The following RGS7 variants were observed in gnomAD, a reference collection of about 807,000 sequenced individuals.
The protein encoded by RGS7 is regulator of G-protein signaling 7.
Under a neutral mutation model 81.1 loss-of-function variants are expected in RGS7, and 27 were observed. The ratio of observed to expected loss-of-function variants is 0.33; its 90% confidence interval spans 0.25 to 0.46. The LOEUF is 0.46. Among genes scored for constraint, RGS7 ranks in the 20% least tolerant of loss-of-function variants. The pLI, the probability that RGS7 is intolerant of heterozygous loss-of-function variation, is 1.00. For missense variants in RGS7, 396 were observed against 607.4 expected (o/e 0.65, Z 3.66); for synonymous variants, 208 against 207.7 (o/e 1.00, Z -0.01).
chr1:241,155,480 A>G (rs560127245), intron 2 of RGS7, among the ~76,000 whole-genome samples: 1 of 151,910 alleles, frequency 6.6e-6, no homozygotes, highest in South Asian at 2.1e-4. Flanking sequence ...GACACCTTTT[A>G]TCTTTTTTAG....
chr1:241,219,128 A>G (rs1249601732), intron 2 of RGS7, among the ~76,000 whole-genome samples: 1 of 152,092 alleles, frequency 6.6e-6, no homozygotes, highest in East Asian at 1.9e-4. Context: ...CTCTTGTAAT[A>G]ACTTCATAGA....
Position 241,164,139 on chromosome 1 carries a change from G to T in RGS7, c.79-65377C>A, listed in dbSNP as rs1218068272. Among the ~76,000 whole-genome samples, 2 of 152,120 alleles carry T rather than the reference G, an allele frequency of 1.3e-5. No homozygotes were observed. Among genetic ancestry groups the T allele is most frequent in the Non-Finnish European group, 2.9e-5 (2 of 68,024 alleles). ...GTTTATTATAAAGGATATTACAAAG[G>T]ATACAGGTGAAGAGATGCATAGGGT... On this transcript the variant is annotated intron_variant, in intron 2 of 18. Coordinates refer to ENST00000440928, the MANE Select transcript of RGS7 (RefSeq NM_001364886.1). The surrounding 1 kb of genome is among the most constrained non-coding windows in gnomAD (Gnocchi z 4.1).
In RGS7 at chr1:241,016,248, G is replaced by A. The variant is rs552143167; in HGVS notation, c.176-33119C>T. Among the ~76,000 whole-genome samples the A allele has an allele frequency of 4.6e-5, 7 of 152,214 alleles. No homozygotes were observed. The South Asian group carries it at 8.3e-4, about 18-fold the overall frequency. Reference sequence around the variant, plus strand: ...TACATAAAAACTCATGTCTGGGTGCGGTGGCTCACGCCTGTAATCCTAGCA... The same window carrying A: ...TACATAAAAACTCATGTCTGGGTGCAGTGGCTCACGCCTGTAATCCTAGCA... On this transcript the variant is annotated intron_variant, in intron 3 of 18. Coordinates refer to ENST00000440928, the MANE Select transcript of RGS7 (RefSeq NM_001364886.1).
intron 3 of RGS7, among the ~76,000 whole-genome samples, chr1:241,011,682 T>C (rs576692199): frequency 1.3e-5 from 2 of 152,286 alleles, no homozygotes; most frequent in African/African-American, 4.8e-5. Context: ...TGATAACATT[T>C]ACTAAACAGA....
Position 241,259,667 on chromosome 1 carries a change from A to AAAATATAT in RGS7, c.78+96031_78+96032insATATATTT. Among the ~76,000 whole-genome samples the AAAATATAT allele has an allele frequency of 3.5e-4, 17 of 49,144 alleles. 1 individual carries two copies. Among genetic ancestry groups the AAAATATAT allele is most frequent in the African/African-American group, 1.2e-3 (15 of 12,594 alleles). The allele number at this position is 49,144 out of a possible 152,430, so 32.2% of individuals were successfully genotyped here. A position where few individuals can be genotyped will look rare whatever the true frequency, so the allele number is the denominator to read the frequency against. On this transcript the variant is annotated intron_variant, in intron 2 of 18. Transcript: ENST00000440928. ...CTCCGTCTCAAAAAAAAAAAAAAAAAATATATATATATATATATAATTAAA... is the reference window on the plus strand; with the variant it reads ...CTCCGTCTCAAAAAAAAAAAAAAAAAAAATATATATATATATATATATATATAATTAAA...
intron 9 of RGS7, among the ~76,000 whole-genome samples, chr1:240,865,816 G>A (rs1398033296): frequency 6.6e-6 from 1 of 152,158 alleles, no homozygotes; most frequent in Admixed American, 6.5e-5. Flanking sequence ...GAAAGTTCTT[G>A]TCATTGCTTA....
At chr1:241,199,768 A>G (rs966849768) in intron 2 of RGS7, among the ~76,000 whole-genome samples, 7 of 152,130 alleles carry the variant, frequency 4.6e-5, no homozygotes, top group African/African-American at 1.4e-4. Flanking sequence ...AAATAAATAT[A>G]GTTACTCTGT....
intron 2 of RGS7, among the ~76,000 whole-genome samples, chr1:241,129,013 A>C (rs1399216393): frequency 1.3e-5 from 2 of 152,218 alleles, no homozygotes; most frequent in Non-Finnish European, 2.9e-5. Flanking sequence ...TACTATTTAT[A>C]CACAATTAGC....
chr1:241,116,725 T>C (rs1282996895), intron 2 of RGS7, among the ~76,000 whole-genome samples: 1 of 152,240 alleles, frequency 6.6e-6, no homozygotes, highest in Non-Finnish European at 1.5e-5. Flanking sequence ...ACATGTAATG[T>C]ATAGTGATCA....
intron 3 of RGS7, among the ~76,000 whole-genome samples, chr1:241,021,294 G>A (rs77796929): frequency 0.027 from 4,101 of 152,226 alleles, 206 homozygotes; most frequent in African/African-American, 0.093. Context: ...GTGGGGTGGA[G>A]GGCTGGGTAC....
At position 241,037,228 on chromosome 1, in the gene RGS7, G is replaced by A. The variant is rs148279028; in HGVS notation, c.176-54099C>T. Among the ~76,000 whole-genome samples, 163 of 152,228 alleles carry A rather than the reference G, an allele frequency of 1.1e-3. 1 individual carries two copies. Among genetic ancestry groups the A allele is most frequent in the African/African-American group, 3.6e-3 (150 of 41,534 alleles). ...TCAGAAGCTGGTAAGATAGAGATGT[G>A]TTATTTGGAGACAAAACATTTGTTA... On this transcript the variant is annotated intron_variant, in intron 3 of 18. Coordinates refer to ENST00000440928, the MANE Select transcript of RGS7 (RefSeq NM_001364886.1).
chr1:241,227,440 T>TAAA (rs1205011924), intron 2 of RGS7, among the ~76,000 whole-genome samples: 1 of 151,780 alleles, frequency 6.6e-6, no homozygotes, highest in Admixed American at 6.6e-5. Flanking sequence ...AGGACAAAGT[T>TAAA]TTATTTGCTT....
rs180940191 is a variant in RGS7 at position 241,304,603 on chromosome 1, C to T, written c.78+51096G>A. Among the ~76,000 whole-genome samples the T allele has an allele frequency of 5.3e-3, 804 of 152,100 alleles. 7 individuals carry two copies. Among genetic ancestry groups the T allele is most frequent in the African/African-American group, 0.019 (779 of 41,476 alleles). On this transcript the variant is annotated intron_variant, in intron 2 of 18. Transcript: ENST00000440928. ...AGGAGGGTGAGGTAGGGGCCGGGAG[C>T]GGGTGTTGTGAAGAGAACTGATCAT... is the stretch of plus-strand genomic sequence containing the variant.
chr1:241,231,538 T>C (rs758377457), intron 2 of RGS7, among the ~76,000 whole-genome samples: 37 of 152,148 alleles, frequency 2.4e-4, no homozygotes, highest in Non-Finnish European at 4.7e-4. Context: ...TTTGTATTTT[T>C]AGTAGAGACA....
chr1:240,993,265 G>C (rs1206211358), intron 3 of RGS7, among the ~76,000 whole-genome samples: 3 of 150,882 alleles, frequency 2.0e-5, no homozygotes, highest in Admixed American at 2.0e-4. Context: ...AAGAAAGAAA[G>C]AAAAAGAAAG....
chr1:241,088,335 G>A (rs559581842), intron 3 of RGS7, among the ~76,000 whole-genome samples: 4 of 151,884 alleles, frequency 2.6e-5, no homozygotes, highest in Admixed American at 6.6e-5. Context: ...ATCAGAACAC[G>A]CCACCAAAAA....
intron 2 of RGS7, among the ~76,000 whole-genome samples, chr1:241,302,650 T>C (rs2079842652): frequency 6.6e-6 from 1 of 152,210 alleles, no homozygotes. Context: ...ATTTTTCTTA[T>C]CATACAAAAT....
At chr1:241,218,191 C>T (rs1197976932) in intron 2 of RGS7, among the ~76,000 whole-genome samples, 1 of 152,160 alleles carries the variant, frequency 6.6e-6, no homozygotes, top group Admixed American at 6.5e-5. Flanking sequence ...CACCTCCCTT[C>T]CTTCCCTTTG....
chr1:241,241,938 G>GT (rs11284941), intron 2 of RGS7, among the ~76,000 whole-genome samples: 120 of 149,252 alleles, frequency 8.0e-4, no homozygotes, highest in Middle Eastern at 3.5e-3. Flanking sequence ...CTCTTTTTGT[G>GT]TTTTTTTTTT....
Sources: allele counts gnomAD v4.1 joint callset (sites outside exome capture counted in the v4.1 genomes callset), GRCh38; gene constraint gnomAD v4.1.1; non-coding constraint Gnocchi (gnomAD v3.1); transcripts MANE v1.5; gene names NCBI Gene and HGNC (gene_info 2026-07-23, HGNC 2026-07-21).